The following FXYD6 variants were observed in gnomAD, a reference collection of about 807,000 sequenced individuals.
The protein encoded by FXYD6 is FXYD domain containing ion transport regulator 6.
A neutral mutation model predicts 16.7 loss-of-function variants in FXYD6; 7 were observed. The observed-to-expected ratio is 0.42, with a 90% CI of 0.24 to 0.79. The LOEUF (loss-of-function observed/expected upper bound fraction) is 0.79. Ranked by LOEUF, FXYD6 falls within the 30% of genes least tolerant of loss-of-function variation. FXYD6 has a pLI of 0.28. For synonymous variants in FXYD6, 49 were observed against 43.0 expected (o/e 1.14, Z -0.54); for missense variants, 111 against 116.2 (o/e 0.95, Z 0.21).
intron 1 of FXYD6, among the ~76,000 whole-genome samples, chr11:117,863,133 G>T (rs2056944957): frequency 6.6e-6 from 1 of 152,120 alleles, no homozygotes; most frequent in South Asian, 2.1e-4. Flanking sequence ...ATTGCCCAAG[G>T]CCCAACAGCT....
At chr11:117,860,977 C>A (rs1045989605) in intron 1 of FXYD6, among the ~76,000 whole-genome samples, 2 of 152,204 alleles carry the variant, frequency 1.3e-5, no homozygotes, top group Non-Finnish European at 1.5e-5. Context: ...TCCCAAGCAA[C>A]CTGGCTCCAG....
intron 1 of FXYD6, among the ~76,000 whole-genome samples, chr11:117,856,791 G>A (rs1323386516): frequency 6.6e-6 from 1 of 152,204 alleles, no homozygotes; most frequent in Non-Finnish European, 1.5e-5. Context: ...TGGTTACAGT[G>A]ATTGGGCTCC....
At chr11:117,845,265 G>A (rs1433953014) in intron 1 of FXYD6, among the ~76,000 whole-genome samples, 5 of 152,154 alleles carry the variant, frequency 3.3e-5, no homozygotes, top group African/African-American at 1.2e-4. Flanking sequence ...TTCTGTGTCT[G>A]GCTTTCAAGT....
rs2057150919 is a variant in FXYD6, at chr11:117,872,098, C to CTGTTA, written c.-6+4493_-6+4494insTAACA. 6.6e-6 allele frequency among the ~76,000 whole-genome samples: 1 copy of CTGTTA among 152,070 alleles called. No homozygotes were observed. Among genetic ancestry groups the CTGTTA allele is most frequent in the Non-Finnish European group, 1.5e-5 (1 of 68,040 alleles). ...TGAGCAGAGGAGTGGCAAACCTGGACCTGAGCTGTAACATCAGTGGGTAAA... is the reference window on the plus strand; with the variant it reads ...TGAGCAGAGGAGTGGCAAACCTGGACTGTTACTGAGCTGTAACATCAGTGGGTAAA... On this transcript the variant is annotated intron_variant, in intron 1 of 7. Coordinates refer to ENST00000526014, the MANE Select transcript of FXYD6 (RefSeq NM_022003.4). This position sits in a 1 kb window ranked among gnomAD's most constrained non-coding sequence, Gnocchi z 4.9.
chr11:117,866,194 C>T (rs1258416492), intron 1 of FXYD6, among the ~76,000 whole-genome samples: 3 of 152,036 alleles, frequency 2.0e-5, no homozygotes, highest in Non-Finnish European at 2.9e-5. Context: ...TTTCACAAGA[C>T]GATGGGAGTT....
chr11:117,845,408 A>G (rs573241933), intron 1 of FXYD6, among the ~76,000 whole-genome samples: 1 of 152,348 alleles, frequency 6.6e-6, no homozygotes, highest in Non-Finnish European at 1.5e-5. Flanking sequence ...TAACACGTAC[A>G]TATATCTAAA....
chr11:117,860,376 T>C (rs571194041), intron 1 of FXYD6, among the ~76,000 whole-genome samples: 3 of 152,282 alleles, frequency 2.0e-5, no homozygotes, highest in African/African-American at 7.2e-5. Flanking sequence ...GAGATACAGG[T>C]ACCTGAGAGA....
chr11:117,862,584 A>G (rs1195604425), intron 1 of FXYD6, among the ~76,000 whole-genome samples: 1 of 152,158 alleles, frequency 6.6e-6, no homozygotes, highest in African/African-American at 2.4e-5. Flanking sequence ...CCAGCCCACA[A>G]GGTCCTCAGC....
intron 1 of FXYD6, among the ~76,000 whole-genome samples, chr11:117,861,461 C>G (rs991259577): frequency 2.0e-5 from 3 of 152,208 alleles, no homozygotes; most frequent in African/African-American, 7.2e-5. Flanking sequence ...CCCCACCCTT[C>G]CCGAGTCTGG....
At chr11:117,841,643 C>T (rs1207660760) in intron 4 of FXYD6, 148 bp downstream of exon 4, 15 of 771,458 alleles carry the variant, frequency 1.9e-5, no homozygotes, top group Non-Finnish European at 2.4e-5. Flanking sequence ...ATGTGCCCAG[C>T]ACTCTACTGG....
intron 1 of FXYD6, among the ~76,000 whole-genome samples, chr11:117,853,654 G>A (rs919763431): frequency 1.3e-5 from 2 of 152,064 alleles, no homozygotes; most frequent in Non-Finnish European, 2.9e-5. Context: ...ACCATGCCCA[G>A]CTAATTTTTG....
chr11:117,839,912 C>T (rs1591549734), intron 6 of FXYD6, 82 bp from the exon 7 acceptor site: 1 of 1,579,518 alleles, frequency 6.3e-7, no homozygotes, highest in African/African-American at 1.3e-5. Context: ...GTGTCTCTGC[C>T]TGACTCTGGG....
intron 1 of FXYD6, among the ~76,000 whole-genome samples, chr11:117,857,896 T>C (rs768495888): frequency 6.6e-6 from 1 of 152,156 alleles, no homozygotes. Flanking sequence ...AATATCAGCC[T>C]TACCATCAGT....
At chr11:117,868,817 A>C (rs746494039) in intron 1 of FXYD6, 2 of 152,228 alleles carry the variant, frequency 1.3e-5, no homozygotes, top group African/African-American at 2.4e-5. Context: ...AAGATAGTCT[A>C]TTCGTAGAAA....
chr11:117,858,290 G>A (rs1271032522), intron 1 of FXYD6: 1 of 152,296 alleles, frequency 6.6e-6, no homozygotes. Context: ...AAGTTCTCTT[G>A]CAGGATTAAA....
At position 117,857,284 on chromosome 11, in the gene FXYD6, G is replaced by A. The variant is rs192249372; in HGVS notation, c.-5-14503C>T. 9.8e-5 allele frequency among the ~76,000 whole-genome samples: 15 copies of A among 152,316 alleles called. 1 individual carries two copies. The highest frequency in any genetic ancestry group is 2.9e-4 in the African/African-American group (12 of 41,564). On this transcript the variant is annotated intron_variant, in intron 1 of 7. Coordinates refer to ENST00000526014, the MANE Select transcript of FXYD6 (RefSeq NM_022003.4). ...AACAGGTCTTTCCCATGATCCCCAG[G>A]TGATGTGGTGAGTTTAGTGCAGGTG...
chr11:117,842,076 G>A lies in FXYD6; in HGVS notation c.59-48C>T, dbSNP rs759731152. 39 of 1,613,352 alleles carry A rather than the reference G, an allele frequency of 2.4e-5. 1 individual carries two copies. The African/African-American group carries it at 4.7e-4, about 19-fold the overall frequency. On this transcript the variant is annotated intron_variant, in intron 2 of 7. Coordinates refer to ENST00000526014, the MANE Select transcript of FXYD6 (RefSeq NM_022003.4). ...AAGAGAAAGAAAGCTACACAAACTG[G>A]TTCCCAAATATCTAACCTTGCCTCA...
chr11:117,862,147 G>A lies in FXYD6; in HGVS notation c.-6+14445C>T, dbSNP rs894290536. Among the ~76,000 whole-genome samples, 12 of 152,258 alleles carry A rather than the reference G, an allele frequency of 7.9e-5. No individual in the cohort carries two copies. In the South Asian group the frequency reaches 2.3e-3, roughly 29 times the overall value. On this transcript the variant is annotated intron_variant, in intron 1 of 7. Coordinates refer to ENST00000526014, the MANE Select transcript of FXYD6 (RefSeq NM_022003.4). ...AAGGAAAGAGAAAGAAAGAGGCTTC[G>A]AGACGGGAGAGGCTGGCCCAGGGGC...
chr11:117,870,843 T>C lies in FXYD6; in HGVS notation c.-6+5749A>G, dbSNP rs982974813. Among the ~76,000 whole-genome samples the C allele has an allele frequency of 1.8e-4, 27 of 152,126 alleles. No homozygotes were observed. The highest frequency in any genetic ancestry group is 6.8e-3 in the Middle Eastern group (2 of 294). ...GGGCTGTCACCAGTGTATGCCCCCA[T>C]CACACCATAGCTCCCTGGGAGCACA... On this transcript the variant is annotated intron_variant, in intron 1 of 7. Coordinates refer to ENST00000526014, the MANE Select transcript of FXYD6 (RefSeq NM_022003.4). The surrounding 1 kb of genome is among the most constrained non-coding windows in gnomAD (Gnocchi z 4.2).
Sources: allele counts gnomAD v4.1 joint callset (sites outside exome capture counted in the v4.1 genomes callset), GRCh38; gene constraint gnomAD v4.1.1; non-coding constraint Gnocchi (gnomAD v3.1); transcripts MANE v1.5; gene names NCBI Gene and HGNC (gene_info 2026-07-23, HGNC 2026-07-21).